C1QTNF12: variants seen among roughly 807,000 people sequenced by gnomAD.
The protein encoded by C1QTNF12 is C1q and TNF related 12, also known as adipolin.
Under a neutral mutation model 34.3 loss-of-function variants are expected in C1QTNF12, and 39 were observed. The ratio of observed to expected loss-of-function variants is 1.14; its 90% CI spans 0.88 to 1.49. The LOEUF is 1.49. Ranked by LOEUF, C1QTNF12 falls within the 40% of genes most tolerant of loss-of-function variation. The pLI, the probability that C1QTNF12 is intolerant of heterozygous loss-of-function variation, is 0.00. For synonymous variants in C1QTNF12, 220 were observed against 196.9 expected, an observed-to-expected ratio of 1.12 and a Z score of -0.98; for missense variants, 497 against 424.7, an observed-to-expected ratio of 1.17 and a Z score of -1.50.
In C1QTNF12 at chr1:1,244,025, A is replaced by C; in HGVS notation, c.460T>G (p.Phe154Val). ...GAGLRLVGEA[F>V]HCRLQGPRRV... ...CGGGGACCCTGCAGCCGGCAGTGAA[A>C]GGCCTCGCCCACCAGCCGCAGGCCC... Residue 154 changes from phenylalanine (F) to valine (V), a missense_variant, in exon 4 of 8, where the codon TTT becomes GTT. Transcript: ENST00000330388. The C allele has an allele frequency of 6.3e-7, 1 of 1,598,476 alleles. No homozygotes were observed. Among genetic ancestry groups the C allele is most frequent in the East Asian group, 2.3e-5 (1 of 43,924 alleles).
At chr1:1,242,994 G>A in intron 6 of C1QTNF12, 68 bp downstream of exon 6, 2 of 1,557,934 alleles carry the variant, frequency 1.3e-6, no homozygotes, top group Non-Finnish European at 1.7e-6. Flanking sequence ...AGAGACCCCT[G>A]TGGCCTGTGA....
At position 1,243,478 on chromosome 1, in the gene C1QTNF12, G is replaced by C; in HGVS notation, c.606C>G (p.Ser202=). 6.4e-7 allele frequency: 1 copy of C among 1,559,788 alleles called. No homozygotes were observed. Among genetic ancestry groups the C allele is most frequent in the Non-Finnish European group, 8.7e-7 (1 of 1,151,900 alleles). ...LASGRFTAPV[S]GIFQFSASLH... Reference sequence around the variant, plus strand: ...GACTGGCAGAGAACTGGAAGATGCCGGACACGGGGGCCGTGAACCGACCCG... The same window carrying C: ...GACTGGCAGAGAACTGGAAGATGCCCGACACGGGGGCCGTGAACCGACCCG... Residue 202 remains serine (S), a synonymous_variant, in exon 5 of 8, where the codon TCC becomes TCG. Transcript: ENST00000330388.
At chr1:1,243,235 G>A in intron 5 of C1QTNF12, 83 bp from the exon 6 acceptor site, 1 of 1,112,940 alleles carries the variant, frequency 9.0e-7, no homozygotes, top group South Asian at 1.5e-5. Flanking sequence ...ACACATCCCA[G>A]GACAGGCCCA....
Position 1,243,167 on chromosome 1 carries a change from C to G in C1QTNF12, c.641-15G>C. On this transcript the variant is annotated splice_polypyrimidine_tract_variant and intron_variant, in intron 5 of 7. Coordinates refer to ENST00000330388, the MANE Select transcript of C1QTNF12 (RefSeq NM_001014980.3). ...CTCACTGTGGTCTGCGGAGAGAGCC[C>G]TGGGGAGGGTGGTGCATGGGGGGCG... 1.1e-6 allele frequency: 1 copy of G among 873,226 alleles called. No homozygotes were observed. Among genetic ancestry groups the G allele is most frequent in the Non-Finnish European group, 1.5e-6 (1 of 683,614 alleles). 54.1% of individuals were successfully genotyped at this position (873,226 alleles called of 1,614,324 possible). A position where few individuals can be genotyped will look rare whatever the true frequency, so the allele number is the denominator to read the frequency against.
Position 1,242,533 on chromosome 1 carries a change from C to T in C1QTNF12, c.*15G>A, listed in dbSNP as rs1398467157. 4 of 1,546,184 alleles carry T rather than the reference C, an allele frequency of 2.6e-6. No individual in the cohort carries two copies. The highest frequency in any genetic ancestry group is 1.2e-5 in the South Asian group (1 of 84,146). Reference sequence around the variant, plus strand: ...GGATCCGGCGGCAGCTCCTCGCCAGCCCCCCTGGGCGCCCTCACGTGCCCA... The same window carrying T: ...GGATCCGGCGGCAGCTCCTCGCCAGTCCCCCTGGGCGCCCTCACGTGCCCA... On this transcript the variant is annotated 3_prime_UTR_variant, in exon 8 of 8. Coordinates refer to ENST00000330388, the MANE Select transcript of C1QTNF12 (RefSeq NM_001014980.3).
At chr1:1,244,733 C>A in intron 1 of C1QTNF12, 1 of 495,416 alleles carries the variant, frequency 2.0e-6, no homozygotes, top group South Asian at 2.9e-5. Flanking sequence ...CCTCACTCCT[C>A]CCCCACTCCT....
In C1QTNF12 at chr1:1,244,196, A is replaced by G; in HGVS notation, c.374T>C (p.Leu125Pro). 6.3e-7 allele frequency: 1 copy of G among 1,586,810 alleles called. No homozygotes were observed. Among genetic ancestry groups the G allele is most frequent in the Non-Finnish European group, 8.6e-7 (1 of 1,166,840 alleles). The change falls in exon 3 of 8, where the codon CTG (leucine) becomes CCG (proline). Residue 125 changes from leucine to proline, a missense_variant. Leu to Pro is a moderately conservative substitution (Grantham distance 98, BLOSUM62 -3). Coordinates refer to ENST00000330388, the MANE Select transcript of C1QTNF12 (RefSeq NM_001014980.3). ...ETLLHEFQEL[L>P]KEATERRFSG... ...GGCAGTGCAGGGCGGCTGACCTTTCAGCAGCTCCTGAAACTCGTGAAGCAG... is the reference window on the plus strand; with the variant it reads ...GGCAGTGCAGGGCGGCTGACCTTTCGGCAGCTCCTGAAACTCGTGAAGCAG...
At chr1:1,246,838 A>C (rs1638906327), upstream of C1QTNF12, 4 of 513,366 alleles carry the variant, frequency 7.8e-6, 1 homozygote, top group Non-Finnish European at 5.6e-6. This position sits in a 1 kb window ranked among gnomAD's most constrained non-coding sequence, Gnocchi z 4.5. Context: ...ACCTGCCCGG[A>C]ACGGCGGCGC....
Position 1,245,830 on chromosome 1 carries a change from G to A in C1QTNF12, c.177+684C>T, listed in dbSNP as rs537738800. On this transcript the variant is annotated intron_variant, in intron 1 of 7. Transcript: ENST00000330388. Reference sequence around the variant, plus strand: ...GACCAGCATCAAAGGTGTGAGGGCCGGGGATGGGGGCTGCTCTGGCAACTG... The same window carrying A: ...GACCAGCATCAAAGGTGTGAGGGCCAGGGATGGGGGCTGCTCTGGCAACTG... Among the ~76,000 whole-genome samples, 61 of 152,316 alleles carry A rather than the reference G, an allele frequency of 4.0e-4. No homozygotes were observed. In the South Asian group the frequency reaches 0.011, roughly 27 times the overall value.
intron 5 of C1QTNF12, 71 bp downstream of exon 5, chr1:1,243,373 G>A (rs956889600): frequency 6.8e-5 from 95 of 1,406,410 alleles, no homozygotes; most frequent in Admixed American, 2.2e-4. Context: ...CGGGGCCGGC[G>A]ATGCCAGGCG....
chr1:1,243,119 C>T lies in C1QTNF12; in HGVS notation c.674G>A (p.Arg225Gln), dbSNP rs771218770. ...HSELQGKARL[R>Q]ARDVVCVLIC... ...GAGAACACACACCACGTCCCGGGCC[C>T]GCAGCCGGGCCTTGCCCTGCAGCTC... The change falls in exon 6 of 8, where the codon CGG becomes CAG. Residue 225 changes from arginine (R) to glutamine (Q), a missense_variant. Arg to Gln is a conservative substitution (Grantham distance 43, BLOSUM62 1). Transcript: ENST00000330388. The T allele has an allele frequency of 3.3e-5, 52 of 1,586,594 alleles. No individual in the cohort carries two copies. The highest frequency in any genetic ancestry group is 9.4e-5 in the African/African-American group (7 of 74,082).
In C1QTNF12 at chr1:1,243,434, T is replaced by G. The variant is rs1262361149; in HGVS notation, c.640+10A>C. 6.5e-7 allele frequency: 1 copy of G among 1,549,842 alleles called. No individual in the cohort carries two copies. The highest frequency in any genetic ancestry group is 2.0e-5 in the Admixed American group (1 of 51,224). On this transcript the variant is annotated intron_variant, in intron 5 of 7. Coordinates refer to ENST00000330388, the MANE Select transcript of C1QTNF12 (RefSeq NM_001014980.3). ...CGTCACAGCACACGGCACTGCCCCA[T>G]CCGGCTCACCCACGTGCAGACTGGC...
rs771562003 is a variant in C1QTNF12 at position 1,242,556 on chromosome 1, C to T, written c.901G>A (p.Gly301Ser). The T allele has an allele frequency of 4.0e-5, 62 of 1,567,514 alleles. No homozygotes were observed. Among genetic ancestry groups the T allele is most frequent in the Non-Finnish European group, 5.0e-5 (58 of 1,156,254 alleles). ...AGCCCCCCTGGGCGCCCTCACGTGC[C>T]CAGGAGCAGCCCGGAGAAGCTGGAG... ...AGSSFSGLLL[G>S]T Residue 301 changes from glycine to serine, a missense_variant, in exon 8 of 8, where the codon GGC becomes AGC. Gly to Ser is a moderately conservative substitution (Grantham distance 56). Coordinates refer to ENST00000330388, the MANE Select transcript of C1QTNF12 (RefSeq NM_001014980.3).
In C1QTNF12 at chr1:1,246,544, G is replaced by C; in HGVS notation, c.147C>G (p.Ser49=). 1 of 1,238,218 alleles carries C rather than the reference G, an allele frequency of 8.1e-7. No individual in the cohort carries two copies. The highest frequency in any genetic ancestry group is 1.0e-6 in the Non-Finnish European group (1 of 990,926). 76.7% of individuals were successfully genotyped at this position (1,238,218 alleles called of 1,614,324 possible). The change falls in exon 1 of 8, where the codon TCC becomes TCG. Residue 49 remains serine, a synonymous_variant. Coordinates refer to ENST00000330388, the MANE Select transcript of C1QTNF12 (RefSeq NM_001014980.3). This position sits in a 1 kb window ranked among gnomAD's most constrained non-coding sequence, Gnocchi z 4.5. ...ADPPNATASA[S]SREGLPEAPK... is the part of the protein sequence containing the mutation. ...GGGCCTCGGGCAGCCCCTCGCGGGAGGACGCGCTGGCGGTGGCGTTGGGGG... is the reference window on the plus strand; with the variant it reads ...GGGCCTCGGGCAGCCCCTCGCGGGACGACGCGCTGGCGGTGGCGTTGGGGG...
rs775753033 is a variant in C1QTNF12, at chr1:1,244,376, C to A, written c.294+5G>T. 6.2e-7 allele frequency: 1 copy of A among 1,610,658 alleles called. No individual in the cohort carries two copies. Among genetic ancestry groups the A allele is most frequent in the East Asian group, 2.2e-5 (1 of 44,838 alleles). On this transcript the variant is annotated splice_donor_5th_base_variant and intron_variant, in intron 2 of 7. Transcript: ENST00000330388. ...AGACCCTGCAGCAGCCCGGGCGGGG[C>A]TCACCGGCTTCTTGTCCCTGCTTCC... is the stretch of plus-strand genomic sequence containing the variant.
Position 1,246,702 on chromosome 1 carries a change from G to A in C1QTNF12, c.-12C>T, listed in dbSNP as rs1273430086. ...GCCCAGCGCCGCATGGCTCCGTCCC[G>A]AGGCGGCTCAGCGCGGCGAGTCTCG... On this transcript the variant is annotated 5_prime_UTR_variant, in exon 1 of 8. Transcript: ENST00000330388. This position sits in a 1 kb window ranked among gnomAD's most constrained non-coding sequence, Gnocchi z 4.5. 1.6e-6 allele frequency: 2 copies of A among 1,220,230 alleles called. No homozygotes were observed. Among genetic ancestry groups the A allele is most frequent in the Non-Finnish European group, 2.0e-6 (2 of 980,638 alleles). 75.6% of individuals were successfully genotyped at this position (1,220,230 alleles called of 1,614,324 possible).
chr1:1,242,995 T>A, intron 6 of C1QTNF12, 67 bp downstream of exon 6: 1 of 1,556,188 alleles, frequency 6.4e-7, no homozygotes, highest in Non-Finnish European at 8.7e-7. Flanking sequence ...GAGACCCCTG[T>A]GGCCTGTGAG....
At chr1:1,242,756 G>A (rs572449616) in intron 7 of C1QTNF12, 79 bp downstream of exon 7, 91 of 1,570,354 alleles carry the variant, frequency 5.8e-5, no homozygotes, top group Admixed American at 8.4e-5. Context: ...AGAGGTCTGC[G>A]CCCTGAGTGC....
chr1:1,243,831 C>A, intron 4 of C1QTNF12, 123 bp downstream of exon 4: 14 of 1,276,866 alleles, frequency 1.1e-5, no homozygotes, highest in African/African-American at 3.0e-5. Flanking sequence ...CCCTCGCCCT[C>A]CGAGCCCCGC....
Sources: allele counts gnomAD v4.1 joint callset (sites outside exome capture counted in the v4.1 genomes callset), GRCh38; gene constraint gnomAD v4.1.1; non-coding constraint Gnocchi (gnomAD v3.1); transcripts MANE v1.5; gene names NCBI Gene and HGNC (gene_info 2026-07-23, HGNC 2026-07-21).